Variants in FBXO41 observed in about 807,000 individuals in gnomAD.
The protein encoded by FBXO41 is F-box only protein 41.
Under a neutral mutation model 81.6 loss-of-function variants are expected in FBXO41, and 33 were observed. The ratio of observed to expected loss-of-function variants is 0.40; its 90% CI spans 0.31 to 0.54. The LOEUF (loss-of-function observed/expected upper bound fraction) is 0.54. Ranked by LOEUF, FBXO41 falls within the 20% of genes least tolerant of loss-of-function variation. FBXO41 has a pLI of 0.39. For synonymous variants in FBXO41, 576 were observed against 552.7 expected (o/e 1.04, Z -0.59); for missense variants, 1,107 against 1,236.0 (o/e 0.90, Z 1.56).
intron 1 of FBXO41, among the ~76,000 whole-genome samples, chr2:73,279,683 G>A (rs1043620720): frequency 6.6e-6 from 1 of 152,186 alleles, no homozygotes; most frequent in Non-Finnish European, 1.5e-5. Flanking sequence ...GTGGGCTGAG[G>A]AGTGAGTGAG....
At chr2:73,270,101 A>G (rs957036021) in intron 1 of FBXO41, among the ~76,000 whole-genome samples, 1 of 152,248 alleles carries the variant, frequency 6.6e-6, no homozygotes, top group Admixed American at 6.5e-5. Context: ...CAATAAGAAA[A>G]GAAACTATTG....
At chr2:73,270,711 CCCA>C (rs576646233) in intron 1 of FBXO41, 238 of 486,224 alleles carry the variant, frequency 4.9e-4, no homozygotes, top group Non-Finnish European at 9.2e-4. Context: ...CCTCCATCCC[CCCA>C]CCAATTCTGG....
intron 1 of FBXO41, among the ~76,000 whole-genome samples, chr2:73,279,193 C>T (rs1043061252): frequency 3.9e-5 from 6 of 151,920 alleles, no homozygotes; most frequent in Non-Finnish European, 1.5e-5. Flanking sequence ...GGATGAGGCT[C>T]GGGTTTGGGT....
chr2:73,264,512 G>T lies in FBXO41; in HGVS notation c.1572C>A (p.Pro524=). The change falls in exon 6 of 13, where the codon CCC becomes CCA. Residue 524 remains proline (P), a synonymous_variant. Transcript: ENST00000520530. ...PLSSCRLSAR[P]EGGSGRGRRA... ...GCCGACCCCGCCCACTGCCTCCCTCGGGGCGGGCTGCAGAATACCAGGGGT... is the reference window on the plus strand; with the variant it reads ...GCCGACCCCGCCCACTGCCTCCCTCTGGGCGGGCTGCAGAATACCAGGGGT... 1 of 1,613,508 alleles carries T rather than the reference G, an allele frequency of 6.2e-7. No homozygotes were observed. The highest frequency in any genetic ancestry group is 8.5e-7 in the Non-Finnish European group (1 of 1,179,858).
chr2:73,258,130 A>G lies in FBXO41; in HGVS notation c.*852T>C. ...GACAGGAACTACTTCTCACTGTGAC[A>G]GGGCTGCCTGGGGCTGGGACCTTGA... is the stretch of plus-strand genomic sequence containing the variant. On this transcript the variant is annotated 3_prime_UTR_variant, in exon 13 of 13. Transcript: ENST00000520530. The G allele has an allele frequency of 6.6e-6, 1 of 152,370 alleles. No homozygotes were observed. The highest frequency in any genetic ancestry group is 1.5e-5 in the Non-Finnish European group (1 of 68,072). The allele number at this position is 152,370 out of a possible 1,614,324, so 9.4% of individuals were successfully genotyped here. A position where few individuals can be genotyped will look rare whatever the true frequency, so the allele number is the denominator to read the frequency against.
rs35032877 is a variant in FBXO41, at chr2:73,260,374, TC to T, written c.2449+14del. 6.2e-7 allele frequency: 1 copy of T among 1,609,652 alleles called. No individual in the cohort carries two copies. Among genetic ancestry groups the T allele is most frequent in the Non-Finnish European group, 8.5e-7 (1 of 1,177,406 alleles). Reference sequence around the variant, plus strand: ...GTGATAGTCGTACCCTGCCCCTCATTCCCCCAGTGCTCACTGTTGAAGTGCA... The same window carrying T: ...GTGATAGTCGTACCCTGCCCCTCATTCCCCAGTGCTCACTGTTGAAGTGCA... On this transcript the variant is annotated intron_variant, in intron 11 of 12. Transcript: ENST00000520530. This position sits in a 1 kb window ranked among gnomAD's most constrained non-coding sequence, Gnocchi z 5.0.
intron 9 of FBXO41, among the ~76,000 whole-genome samples, 173 bp downstream of exon 9, chr2:73,263,040 C>G (rs1398756042): frequency 6.6e-6 from 1 of 152,194 alleles, no homozygotes; most frequent in Non-Finnish European, 1.5e-5. Flanking sequence ...ATACCGTGCT[C>G]GACCAACCAG....
intron 1 of FBXO41, among the ~76,000 whole-genome samples, chr2:73,280,138 A>C (rs1688808294): frequency 6.6e-6 from 1 of 151,214 alleles, no homozygotes; most frequent in South Asian, 2.1e-4. Flanking sequence ...TCAACCCCAA[A>C]ACGCCACCCT....
In FBXO41 at chr2:73,269,634, C is replaced by G. The variant is rs779799573; in HGVS notation, c.-4G>C. ...ACGGCAGGTCCAGCGAGGCCATGGC[C>G]CCGCCGCCCCCGCGGCACGCGGGCT... On this transcript the variant is annotated 5_prime_UTR_variant, in exon 2 of 13. Transcript: ENST00000520530. The surrounding 1 kb of genome is among the most constrained non-coding windows in gnomAD (Gnocchi z 7.0). The G allele has an allele frequency of 1.3e-5, 16 of 1,194,462 alleles. No individual in the cohort carries two copies. The highest frequency in any genetic ancestry group is 5.2e-6 in the Non-Finnish European group (5 of 963,694). The allele number at this position is 1,194,462 out of a possible 1,614,324, so 74.0% of individuals were successfully genotyped here.
In FBXO41 at chr2:73,255,304, C is replaced by T. The variant is rs1402093875; in HGVS notation, c.*3678G>A. 1 of 152,654 alleles carries T rather than the reference C, an allele frequency of 6.6e-6. No homozygotes were observed. The highest frequency in any genetic ancestry group is 2.4e-5 in the African/African-American group (1 of 41,448). 9.5% of individuals were successfully genotyped at this position (152,654 alleles called of 1,614,324 possible). ...GGAGGGAGTCGTTGCCTTAGCTGGCCCTGGTATTCTGATCTTTACCCAATC... is the reference window on the plus strand; with the variant it reads ...GGAGGGAGTCGTTGCCTTAGCTGGCTCTGGTATTCTGATCTTTACCCAATC... On this transcript the variant is annotated 3_prime_UTR_variant, in exon 13 of 13. Transcript: ENST00000520530.
Position 73,269,420 on chromosome 2 carries a change from C to A in FBXO41, c.211G>T (p.Ala71Ser). The A allele has an allele frequency of 7.2e-7, 1 of 1,394,124 alleles. No individual in the cohort carries two copies. The highest frequency in any genetic ancestry group is 9.3e-7 in the Non-Finnish European group (1 of 1,078,108). The allele number at this position is 1,394,124 out of a possible 1,614,324, so 86.4% of individuals were successfully genotyped here. Residue 71 changes from alanine (A) to serine (S), a missense_variant, in exon 2 of 13, where the codon GCC (alanine) becomes TCC (serine). Physicochemically the swap from Ala to Ser is moderately conservative, Grantham distance 99 (BLOSUM62 1). Transcript: ENST00000520530. This position sits in a 1 kb window ranked among gnomAD's most constrained non-coding sequence, Gnocchi z 7.0. Reference sequence around the variant, plus strand: ...GCGCCGGGCACGGCCAGCAGGGCGGCGGGCTCGGGAGCCAGCGGGAACCCC... The same window carrying A: ...GCGCCGGGCACGGCCAGCAGGGCGGAGGGCTCGGGAGCCAGCGGGAACCCC... ...ASGFPLAPEP[A>S]ALLAVPGARR... is the part of the protein sequence containing the mutation.
At chr2:73,282,537 T>C (rs1001517520) in intron 1 of FBXO41, among the ~76,000 whole-genome samples, 1 of 152,064 alleles carries the variant, frequency 6.6e-6, no homozygotes, top group African/African-American at 2.4e-5. Context: ...ACCCTGTCTC[T>C]ACCAAAAGAA....
intron 7 of FBXO41, 26 bp downstream of exon 7, chr2:73,263,912 C>T (rs377210002): frequency 6.2e-7 from 1 of 1,613,378 alleles, no homozygotes; most frequent in African/African-American, 1.3e-5. Context: ...CAACAGCACC[C>T]ACCACCCACC....
intron 1 of FBXO41, among the ~76,000 whole-genome samples, chr2:73,273,762 G>A (rs1688608482): frequency 6.6e-6 from 1 of 152,172 alleles, no homozygotes; most frequent in African/African-American, 2.4e-5. Flanking sequence ...ATTGAGAAGG[G>A]CTGCAAATGT....
At chr2:73,267,667 T>A (rs74849783) in intron 2 of FBXO41, among the ~76,000 whole-genome samples, 1,674 of 152,324 alleles carry the variant, frequency 0.011, 10 homozygotes, top group South Asian at 0.024. Context: ...ATCCCCCTCA[T>A]CCCATTGTAA....
At position 73,263,680 on chromosome 2, in the gene FBXO41, G is replaced by C; in HGVS notation, c.2073C>G (p.Tyr691Ter). The change falls in exon 8 of 13, where the codon TAC becomes TAG. Residue 691 changes from tyrosine (Y) to a stop codon, truncating the protein, a stop_gained and splice_region_variant. Transcript: ENST00000520530. LOFTEE classifies it high-confidence loss of function. ...CYCRALQAVT[Y>*]RSATDPVGHE... ...ATGCTTCTAGTCGGTTGACCCACCTGTACGTGACAGCCTGCAGGGCACGGC... is the reference window on the plus strand; with the variant it reads ...ATGCTTCTAGTCGGTTGACCCACCTCTACGTGACAGCCTGCAGGGCACGGC... 1 of 1,613,210 alleles carries C rather than the reference G, an allele frequency of 6.2e-7. No homozygotes were observed. Among genetic ancestry groups the C allele is most frequent in the Non-Finnish European group, 8.5e-7 (1 of 1,179,860 alleles).
intron 5 of FBXO41, 38 bp from the exon 6 acceptor site, chr2:73,264,557 G>T: frequency 2.5e-6 from 4 of 1,609,004 alleles, no homozygotes; most frequent in Non-Finnish European, 3.4e-6. Context: ...AGCGTGGAGG[G>T]TCAAGGCTGG....
chr2:73,264,125 A>G lies in FBXO41; in HGVS notation c.1807-72T>C, dbSNP rs1009630544. The G allele has an allele frequency of 1.0e-5, 16 of 1,549,886 alleles. No individual in the cohort carries two copies. The African/African-American group carries it at 1.8e-4, about 17-fold the overall frequency. On this transcript the variant is annotated intron_variant, in intron 6 of 12. Coordinates refer to ENST00000520530, the MANE Select transcript of FBXO41 (RefSeq NM_001371389.2). ...GGTTGGCTGGAGGTGGGCCAGCCCC[A>G]GGATAGAAGGCCCCATGAGAGCATT...
In FBXO41 at chr2:73,257,959, GA is replaced by G. The variant is rs1220593283; in HGVS notation, c.*1022del. On this transcript the variant is annotated 3_prime_UTR_variant, in exon 13 of 13. Coordinates refer to ENST00000520530, the MANE Select transcript of FBXO41 (RefSeq NM_001371389.2). This position sits in a 1 kb window ranked among gnomAD's most constrained non-coding sequence, Gnocchi z 4.6. ...TCTTCAAGCAAGCTAATTAGACAAGGAAGCAAAGCAAGCCACCCTCCTCCTG... is the reference window on the plus strand; with the variant it reads ...TCTTCAAGCAAGCTAATTAGACAAGGAGCAAAGCAAGCCACCCTCCTCCTG... The G allele has an allele frequency of 6.6e-6, 1 of 152,348 alleles. No homozygotes were observed. The highest frequency in any genetic ancestry group is 1.5e-5 in the Non-Finnish European group (1 of 68,198). 9.4% of individuals were successfully genotyped at this position (152,348 alleles called of 1,614,324 possible).
Sources: gnomAD v4.1 joint callset for allele counts (sites outside exome capture counted in the v4.1 genomes callset) on GRCh38, gnomAD v4.1.1 for gene constraint, Gnocchi (gnomAD v3.1) non-coding constraint, MANE v1.5 for transcripts, NCBI Gene and HGNC (gene_info 2026-07-23, HGNC 2026-07-21) for gene names.